The following MACROD2 variants were observed in gnomAD, a reference collection of about 807,000 sequenced individuals.
The protein encoded by MACROD2 is ADP-ribose glycohydrolase MACROD2.
MACROD2 carries 36 observed loss-of-function variants against 70.4 expected under a neutral mutation model. That is an observed-to-expected ratio of 0.51 (90% CI 0.39 to 0.68). The LOEUF (loss-of-function observed/expected upper bound fraction) is 0.68. Among genes scored for constraint, MACROD2 ranks in the 30% least tolerant of loss-of-function variants. MACROD2 has a pLI of 0.00. For missense variants in MACROD2, 496 were observed against 538.4 expected, an observed-to-expected ratio of 0.92 and a Z score of 0.78; for synonymous variants, 172 against 178.8, an observed-to-expected ratio of 0.96 and a Z score of 0.30.
intron 5 of MACROD2, among the ~76,000 whole-genome samples, chr20:14,782,772 C>T (rs1456491948): frequency 6.6e-6 from 1 of 152,124 alleles, no homozygotes; most frequent in African/African-American, 2.4e-5. Context: ...ATCTCAAGAT[C>T]ACTCCCTAAT....
intron 6 of MACROD2, among the ~76,000 whole-genome samples, chr20:15,309,881 A>G (rs1445853571): frequency 2.0e-5 from 3 of 152,216 alleles, no homozygotes; most frequent in Non-Finnish European, 4.4e-5. Flanking sequence ...TTAAGTATGT[A>G]CTTAGAGGTA....
chr20:14,178,023 A>C (rs868509343), intron 3 of MACROD2, among the ~76,000 whole-genome samples: 1 of 152,188 alleles, frequency 6.6e-6, no homozygotes, highest in Non-Finnish European at 1.5e-5. Flanking sequence ...ACATTAAAAA[A>C]ATTTTATGCT....
Position 15,920,902 on chromosome 20 carries a change from G to A in MACROD2, c.776-12374G>A, listed in dbSNP as rs1055152955. Among the ~76,000 whole-genome samples, 5 of 152,130 alleles carry A rather than the reference G, an allele frequency of 3.3e-5. No homozygotes were observed. The South Asian group carries it at 6.2e-4, about 19-fold the overall frequency. On this transcript the variant is annotated intron_variant, in intron 10 of 17. Coordinates refer to ENST00000684519, the MANE Select transcript of MACROD2 (RefSeq NM_001351661.2). Reference sequence around the variant, plus strand: ...AGGTCGACACCATTCCTCATTCTTCGCACCTCCGTCCAACCACTCACCAAA... The same window carrying A: ...AGGTCGACACCATTCCTCATTCTTCACACCTCCGTCCAACCACTCACCAAA...
At chr20:15,692,843 C>T (rs1260588369) in intron 8 of MACROD2, among the ~76,000 whole-genome samples, 1 of 152,178 alleles carries the variant, frequency 6.6e-6, no homozygotes, top group East Asian at 1.9e-4. Flanking sequence ...ACTCAAATCT[C>T]ATTTTGAATT....
chr20:14,704,676 T>C (rs1468297219), intron 5 of MACROD2, among the ~76,000 whole-genome samples: 1 of 152,144 alleles, frequency 6.6e-6, no homozygotes, highest in Non-Finnish European at 1.5e-5. Flanking sequence ...TGTTTTCCTC[T>C]CTCTAGCTTG....
chr20:15,227,313 A>G (rs956671061), intron 5 of MACROD2, among the ~76,000 whole-genome samples: 7 of 151,980 alleles, frequency 4.6e-5, no homozygotes, highest in African/African-American at 1.7e-4. Context: ...TCCTACACTT[A>G]TGGGCTTTTC....
intron 5 of MACROD2, among the ~76,000 whole-genome samples, chr20:14,924,667 G>A (rs1335010210): frequency 6.6e-6 from 1 of 152,058 alleles, no homozygotes; most frequent in Non-Finnish European, 1.5e-5. Flanking sequence ...CACTGTCCAA[G>A]TGGGAAACAG....
intron 5 of MACROD2, among the ~76,000 whole-genome samples, chr20:14,882,932 G>A (rs2073627123): frequency 6.6e-6 from 1 of 152,264 alleles, no homozygotes; most frequent in South Asian, 2.1e-4. Context: ...ACACCAACAT[G>A]CCCTCTTACA....
chr20:14,974,116 G>A (rs890795349), intron 5 of MACROD2, among the ~76,000 whole-genome samples: 15 of 152,182 alleles, frequency 9.9e-5, no homozygotes, highest in African/African-American at 2.9e-4. Flanking sequence ...AGTTGGAAAG[G>A]GTCAAGTGAA....
In MACROD2 at chr20:14,788,268, C is replaced by T. The variant is rs2072399548; in HGVS notation, c.418+103309C>T. On this transcript the variant is annotated intron_variant, in intron 5 of 17. Transcript: ENST00000684519. ...TGGGGATAAGCAGTGTATGCAGAAACTTTGATAGTCAATTTCTTTATTAAG... is the reference window on the plus strand; with the variant it reads ...TGGGGATAAGCAGTGTATGCAGAAATTTTGATAGTCAATTTCTTTATTAAG... Among the ~76,000 whole-genome samples the T allele has an allele frequency of 3.9e-5, 6 of 152,076 alleles. No individual in the cohort carries two copies. In the South Asian group the frequency reaches 1.2e-3, roughly 32 times the overall value.
intron 4 of MACROD2, among the ~76,000 whole-genome samples, chr20:14,516,367 G>A (rs2085099848): frequency 6.6e-6 from 1 of 152,070 alleles, no homozygotes. Flanking sequence ...TAGTCATGAA[G>A]TCTTTGCCCA....
chr20:15,765,224 A>G (rs1163658325), intron 8 of MACROD2, among the ~76,000 whole-genome samples: 1 of 152,140 alleles, frequency 6.6e-6, no homozygotes, highest in Non-Finnish European at 1.5e-5. Flanking sequence ...GGAATTCTGG[A>G]TGCAATTGCT....
intron 2 of MACROD2, among the ~76,000 whole-genome samples, chr20:14,047,737 C>T (rs1274542047): frequency 6.6e-6 from 1 of 151,858 alleles, no homozygotes; most frequent in Non-Finnish European, 1.5e-5. Context: ...AAGTTTGAGA[C>T]CTGTATAATA....
At chr20:15,051,338 A>ATGTGTGTGTGTG (rs6147297) in intron 5 of MACROD2, among the ~76,000 whole-genome samples, 1 of 129,350 alleles carries the variant, frequency 7.7e-6, no homozygotes, top group Non-Finnish European at 1.7e-5. Flanking sequence ...TCAGTAGGAG[A>ATGTGTGTGTGTG]TGTGTGTGTG....
At chr20:15,962,165 A>G (rs2066072039) in intron 12 of MACROD2, among the ~76,000 whole-genome samples, 1 of 152,188 alleles carries the variant, frequency 6.6e-6, no homozygotes, top group Non-Finnish European at 1.5e-5. Context: ...CCCACTATCA[A>G]CCTTTATTTT....
intron 5 of MACROD2, among the ~76,000 whole-genome samples, chr20:15,020,503 T>C (rs1412046147): frequency 6.6e-6 from 1 of 152,158 alleles, no homozygotes; most frequent in Non-Finnish European, 1.5e-5. Context: ...AAGCCAATTT[T>C]AAAAGGCTAC....
intron 7 of MACROD2, among the ~76,000 whole-genome samples, chr20:15,495,451 A>AT (rs2047285295): frequency 6.6e-6 from 1 of 152,110 alleles, no homozygotes; most frequent in African/African-American, 2.4e-5. Context: ...AAATCTCTAT[A>AT]TTTTTCCCCA....
rs186183618 is a variant in MACROD2, at chr20:15,555,340, T to C, written c.645+55493T>C. 4.1e-3 allele frequency among the ~76,000 whole-genome samples: 621 copies of C among 152,314 alleles called. 5 individuals are homozygous for C. Among genetic ancestry groups the C allele is most frequent in the African/African-American group, 0.014 (588 of 41,568 alleles). On this transcript the variant is annotated intron_variant, in intron 8 of 17. Transcript: ENST00000684519. ...TGAAAGCTGTCCTGCTTGTAGACTATCATTTGAACTTGACATTTTCACTTG... is the reference window on the plus strand; with the variant it reads ...TGAAAGCTGTCCTGCTTGTAGACTACCATTTGAACTTGACATTTTCACTTG...
chr20:15,891,681 A>G (rs2147220876), intron 10 of MACROD2, among the ~76,000 whole-genome samples: 1 of 152,350 alleles, frequency 6.6e-6, no homozygotes, highest in African/African-American at 2.4e-5. Flanking sequence ...GAAGAAAAAT[A>G]TTGAGAATGA....
Sources: allele counts gnomAD v4.1 joint callset (sites outside exome capture counted in the v4.1 genomes callset), GRCh38; gene constraint gnomAD v4.1.1; transcripts MANE v1.5; gene names NCBI Gene and HGNC (gene_info 2026-07-23, HGNC 2026-07-21).